Variants in RABEP1 observed in about 807,000 individuals in gnomAD.
RABEP1 encodes the protein rabaptin, RAB GTPase binding effector protein 1, also known as rab GTPase-binding effector protein 1.
Under a neutral mutation model 123.4 loss-of-function variants are expected in RABEP1, and 51 were observed. That is an observed-to-expected ratio of 0.41 (90% CI 0.33 to 0.52). RABEP1 has a LOEUF of 0.52. Ranked by LOEUF, RABEP1 falls within the 20% of genes least tolerant of loss-of-function variation. The pLI is 0.16. For missense variants in RABEP1, 888 were observed against 996.3 expected (o/e 0.89, Z 1.46); for synonymous variants, 347 against 355.2 (o/e 0.98, Z 0.26).
intron 4 of RABEP1, among the ~76,000 whole-genome samples, chr17:5,337,583 C>G (rs1489399480): frequency 6.6e-6 from 1 of 152,020 alleles, no homozygotes; most frequent in African/African-American, 2.4e-5. Context: ...GTCCCAGTTA[C>G]TCGGGAGGCT....
In RABEP1 at chr17:5,361,354, G is replaced by T; in HGVS notation, c.1242G>T (p.Ser414=). The change falls in exon 9 of 18, where the codon TCG becomes TCT. Residue 414 remains serine (S), a synonymous_variant. Transcript: ENST00000537505. The part of the protein sequence containing the change: ...RAQSTDSLGT[S]GSLQSKALGY... ...AGTCTACAGACAGCTTGGGAACCTC[G>T]GGCTCATTGCAATCCAAAGCTTTAG... 6.2e-7 allele frequency: 1 copy of T among 1,614,030 alleles called. No individual in the cohort carries two copies. The highest frequency in any genetic ancestry group is 1.6e-4 in the Middle Eastern group (1 of 6,062).
At chr17:5,363,381 A>G (rs1909734888) in intron 10 of RABEP1, among the ~76,000 whole-genome samples, 1 of 151,688 alleles carries the variant, frequency 6.6e-6, no homozygotes, top group East Asian at 1.9e-4. Flanking sequence ...CACCACCCCC[A>G]GCTATTTTTT....
rs527354102 is a variant in RABEP1 at position 5,302,886 on chromosome 17, C to A, written c.35-5808C>A. 2.6e-5 allele frequency among the ~76,000 whole-genome samples: 4 copies of A among 151,516 alleles called. No homozygotes were observed. The East Asian group carries it at 7.7e-4, about 29-fold the overall frequency. ...TTATAGACTGTGAGTTTCTTAAGAG[C>A]AAAATTTAAAAAATGATTTTTTTTG... On this transcript the variant is annotated intron_variant, in intron 1 of 17. Transcript: ENST00000537505.
At chr17:5,329,039 T>TTG (rs61002758) in intron 2 of RABEP1, among the ~76,000 whole-genome samples, 25 of 139,128 alleles carry the variant, frequency 1.8e-4, no homozygotes, top group Non-Finnish European at 3.6e-4. Context: ...TTTTTTTTTT[T>TTG]GTCAATTGGA....
chr17:5,315,830 CCA>C (rs1204921573), intron 2 of RABEP1, among the ~76,000 whole-genome samples: 5 of 152,002 alleles, frequency 3.3e-5, no homozygotes, highest in African/African-American at 1.2e-4. Context: ...CCAGCCTGGG[CCA>C]CAGAGTGAGA....
At position 5,286,047 on chromosome 17, in the gene RABEP1, G is replaced by A. The variant is rs183744834; in HGVS notation, c.34+3527G>A. 8.5e-5 allele frequency among the ~76,000 whole-genome samples: 13 copies of A among 152,302 alleles called. No homozygotes were observed. The East Asian group carries it at 2.1e-3, about 25-fold the overall frequency. On this transcript the variant is annotated intron_variant, in intron 1 of 17. Transcript: ENST00000537505. ...GAATTAAATAAAGGGCATGAGTTCCGAGTGGTTTAAATTTTAATACCTGTT... is the reference window on the plus strand; with the variant it reads ...GAATTAAATAAAGGGCATGAGTTCCAAGTGGTTTAAATTTTAATACCTGTT...
intron 1 of RABEP1, among the ~76,000 whole-genome samples, chr17:5,305,658 G>A (rs1291174475): frequency 6.6e-6 from 1 of 152,098 alleles, no homozygotes; most frequent in Non-Finnish European, 1.5e-5. Flanking sequence ...AGAGCCCTTT[G>A]TTACCTCTGT....
intron 13 of RABEP1, among the ~76,000 whole-genome samples, chr17:5,374,759 C>T (rs1361408678): frequency 6.6e-6 from 1 of 152,214 alleles, no homozygotes; most frequent in Non-Finnish European, 1.5e-5. Flanking sequence ...CCTGCCTCAG[C>T]TTCCTGAGTA....
intron 8 of RABEP1, among the ~76,000 whole-genome samples, chr17:5,355,761 G>A (rs1908961069): frequency 6.6e-6 from 1 of 152,044 alleles, no homozygotes; most frequent in Admixed American, 6.6e-5. Flanking sequence ...TGATGTTTAA[G>A]AAAAACTTAA....
chr17:5,340,183 C>T (rs1202171669), intron 5 of RABEP1, among the ~76,000 whole-genome samples: 2 of 152,164 alleles, frequency 1.3e-5, no homozygotes, highest in South Asian at 2.1e-4. Context: ...ACACAGAACT[C>T]GGTATCCAAG....
intron 13 of RABEP1, among the ~76,000 whole-genome samples, chr17:5,376,332 AAAAG>A (rs1327209522): frequency 1.3e-5 from 2 of 152,180 alleles, no homozygotes; most frequent in African/African-American, 4.8e-5. Context: ...TGTCTCAAGA[AAAAG>A]AAAAAAAAAG....
intron 8 of RABEP1, 190 bp from the exon 9 acceptor site, chr17:5,361,018 T>TTGTATCC: frequency 1.7e-6 from 1 of 601,780 alleles, no homozygotes; most frequent in South Asian, 2.1e-5. Context: ...TTGCTCACAG[T>TTGTATCC]TGTATCCTGA....
In RABEP1 at chr17:5,287,242, T is replaced by C. The variant is rs542507097; in HGVS notation, c.34+4722T>C. On this transcript the variant is annotated intron_variant, in intron 1 of 17. Coordinates refer to ENST00000537505, the MANE Select transcript of RABEP1 (RefSeq NM_004703.6). ...CAGAGGAATGATGTGATCTCACTTA[T>C]GTTTTAAAAAAATCACTCTGGGCCA... is the stretch of plus-strand genomic sequence containing the variant. 5.5e-4 allele frequency among the ~76,000 whole-genome samples: 83 copies of C among 152,276 alleles called. 1 individual carries two copies. The South Asian group carries it at 8.9e-3, about 16-fold the overall frequency.
At chr17:5,343,196 G>T (rs779847395) in intron 5 of RABEP1, among the ~76,000 whole-genome samples, 6 of 152,162 alleles carry the variant, frequency 3.9e-5, no homozygotes, top group Non-Finnish European at 8.8e-5. Context: ...AGGTTGCGGG[G>T]AGCCAAGATC....
intron 2 of RABEP1, among the ~76,000 whole-genome samples, chr17:5,315,835 G>GA: frequency 6.6e-6 from 1 of 152,300 alleles, no homozygotes; most frequent in Middle Eastern, 3.4e-3. Context: ...CTGGGCCACA[G>GA]AGTGAGACTC....
In RABEP1 at chr17:5,346,822, G is replaced by A. The variant is rs376940880; in HGVS notation, c.681G>A (p.Glu227=). 18 of 1,579,836 alleles carry A rather than the reference G, an allele frequency of 1.1e-5. 1 individual carries two copies. In the South Asian group the frequency reaches 1.2e-4, roughly 10 times the overall value. ...VKELNHYLEA[E]KSCRTDLEMY... ...AACTGAATCATTATCTGGAAGCTGA[G>A]AAATCTTGTAGGACTGATCTAGAGA... is the stretch of plus-strand genomic sequence containing the variant. Residue 227 remains glutamate, a synonymous_variant, in exon 6 of 18, where the codon GAG becomes GAA. Transcript: ENST00000537505.
At position 5,336,838 on chromosome 17, in the gene RABEP1, T is replaced by C. The variant is rs1907136527; in HGVS notation, c.529-1181T>C. ...AAATAAAATAAATGATGGCTTTGTG[T>C]AAGGACCTGAAAACAAAGTGAATCT... On this transcript the variant is annotated intron_variant, in intron 4 of 17. Coordinates refer to ENST00000537505, the MANE Select transcript of RABEP1 (RefSeq NM_004703.6). 2.9e-5 allele frequency: 5 copies of C among 170,286 alleles called. No homozygotes were observed. The South Asian group carries it at 5.7e-4, about 19-fold the overall frequency. 10.5% of individuals were successfully genotyped at this position (170,286 alleles called of 1,614,324 possible). A position where few individuals can be genotyped will look rare whatever the true frequency, so the allele number is the denominator to read the frequency against.
intron 3 of RABEP1, among the ~76,000 whole-genome samples, chr17:5,334,055 T>G (rs1259656265): frequency 1.3e-5 from 2 of 151,690 alleles, no homozygotes; most frequent in African/African-American, 4.8e-5. Flanking sequence ...TAGTGGTTTT[T>G]TTTTTTTTTT....
rs1345586679 is a variant in RABEP1, at chr17:5,368,289, C to A, written c.1786-81C>A. 24 of 984,300 alleles carry A rather than the reference C, an allele frequency of 2.4e-5. No homozygotes were observed. In the East Asian group the frequency reaches 5.5e-4, roughly 23 times the overall value. 61.0% of individuals were successfully genotyped at this position (984,300 alleles called of 1,614,324 possible). A position where few individuals can be genotyped will look rare whatever the true frequency, so the allele number is the denominator to read the frequency against. Reference sequence around the variant, plus strand: ...ACAAATAAAATGTCAATTCCAGACACTAAATAGTTAGAAGATGGAAGAGTT... The same window carrying A: ...ACAAATAAAATGTCAATTCCAGACAATAAATAGTTAGAAGATGGAAGAGTT... On this transcript the variant is annotated intron_variant, in intron 11 of 17. Coordinates refer to ENST00000537505, the MANE Select transcript of RABEP1 (RefSeq NM_004703.6).
Sources: gnomAD v4.1 joint callset for allele counts (sites outside exome capture counted in the v4.1 genomes callset) on GRCh38, gnomAD v4.1.1 for gene constraint, MANE v1.5 for transcripts, NCBI Gene and HGNC (gene_info 2026-07-23, HGNC 2026-07-21) for gene names.